CDYL: variants seen among roughly 807,000 people sequenced by gnomAD.
The protein encoded by CDYL is chromodomain Y like, also known as chromodomain Y-like protein.
In CDYL, 8 loss-of-function variants were observed where a neutral mutation model predicts 47.3. The ratio of observed to expected loss-of-function variants is 0.17; its 90% CI spans 0.10 to 0.31. The LOEUF (loss-of-function observed/expected upper bound fraction) is 0.31, where lower values mean the gene tolerates loss of function less well. CDYL is among the 10% of genes least tolerant of loss of function. The pLI, the probability that CDYL is intolerant of heterozygous loss-of-function variation, is 1.00. For missense variants in CDYL, 471 were observed against 701.4 expected (o/e 0.67, Z 3.71); for synonymous variants, 266 against 265.0 (o/e 1.00, Z -0.04).
At chr6:4,735,221 G>T (rs1188964883) in intron 3 of CDYL, among the ~76,000 whole-genome samples, 1 of 151,970 alleles carries the variant, frequency 6.6e-6, no homozygotes, top group African/African-American at 2.4e-5. Flanking sequence ...GGGAGATGGA[G>T]GTTGCGGTGA....
chr6:4,799,512 C>A (rs897214818), intron 1 of CDYL, among the ~76,000 whole-genome samples: 3 of 151,980 alleles, frequency 2.0e-5, no homozygotes, highest in Admixed American at 2.0e-4. Flanking sequence ...GTGGCGTGAT[C>A]ATGGCTCAGC....
intron 1 of CDYL, among the ~76,000 whole-genome samples, chr6:4,860,879 A>G (rs2127468461): frequency 6.6e-6 from 1 of 152,160 alleles, no homozygotes; most frequent in East Asian, 1.9e-4. Context: ...ATTCACTGGC[A>G]GCTGATTAGA....
intron 2 of CDYL, among the ~76,000 whole-genome samples, chr6:4,899,776 C>T (rs1229665014): frequency 2.0e-5 from 3 of 152,144 alleles, no homozygotes; most frequent in Non-Finnish European, 2.9e-5. Context: ...TTCTGATTCC[C>T]GTCAGAAGTT....
chr6:4,851,581 G>A (rs911992724), intron 1 of CDYL, among the ~76,000 whole-genome samples: 4 of 152,116 alleles, frequency 2.6e-5, no homozygotes, highest in African/African-American at 7.2e-5. Context: ...CGATTTGCTC[G>A]GCCGTTTGTG....
At chr6:4,760,178 T>C (rs1758152962) in intron 3 of CDYL, among the ~76,000 whole-genome samples, 1 of 151,848 alleles carries the variant, frequency 6.6e-6, no homozygotes, top group Non-Finnish European at 1.5e-5. Flanking sequence ...AGCTCAGTGT[T>C]CCATAAATAT....
chr6:4,724,278 T>C (rs912851165), intron 2 of CDYL: 5 of 152,248 alleles, frequency 3.3e-5, no homozygotes, highest in Admixed American at 6.5e-5. Context: ...CTCAAACTCC[T>C]GACTTCATAT....
chr6:4,911,581 A>G (rs1757417582), intron 2 of CDYL, among the ~76,000 whole-genome samples: 1 of 152,168 alleles, frequency 6.6e-6, no homozygotes, highest in Non-Finnish European at 1.5e-5. Flanking sequence ...GGCACAAACC[A>G]CTTTTGGTAT....
Position 4,906,301 on chromosome 6 carries a change from G to A in CDYL, c.691+13922G>A, listed in dbSNP as rs540796413. The stretch of plus-strand genomic sequence containing the variant: ...GCAAAGTTTGGTAGCTGTTTCCCAT[G>A]CTTGGCATTACCTCTAAAGGTGAAG... On this transcript the variant is annotated intron_variant, in intron 2 of 6. Transcript: ENST00000397588. Among the ~76,000 whole-genome samples the A allele has an allele frequency of 2.6e-5, 4 of 152,318 alleles. No homozygotes were observed. The South Asian group carries it at 8.3e-4, about 32-fold the overall frequency.
intron 1 of CDYL, among the ~76,000 whole-genome samples, chr6:4,707,827 T>A (rs887672042): frequency 6.6e-6 from 1 of 152,228 alleles, no homozygotes; most frequent in East Asian, 1.9e-4. Context: ...TTAATTAATG[T>A]ATTTAAGACT....
chr6:4,866,143 C>T (rs758917361), intron 1 of CDYL, among the ~76,000 whole-genome samples: 1 of 151,904 alleles, frequency 6.6e-6, no homozygotes, highest in African/African-American at 2.4e-5. Context: ...TGTGGGCCAA[C>T]GAAGAAAACA....
intron 1 of CDYL, among the ~76,000 whole-genome samples, chr6:4,782,024 C>T (rs1236345419): frequency 6.7e-6 from 1 of 148,902 alleles, no homozygotes; most frequent in African/African-American, 2.5e-5. Context: ...CTGGATACGC[C>T]CTTCTGTGTT....
intron 2 of CDYL, chr6:4,733,110 T>C (rs1256370690): frequency 6.6e-6 from 1 of 152,252 alleles, no homozygotes; most frequent in Non-Finnish European, 1.5e-5. Context: ...TACACATGAG[T>C]GTCTCCCTCC....
intron 1 of CDYL, among the ~76,000 whole-genome samples, chr6:4,875,265 C>T (rs1008036399): frequency 1.3e-5 from 2 of 152,114 alleles, no homozygotes; most frequent in Non-Finnish European, 2.9e-5. Context: ...CTTTGCTCTT[C>T]TCTGATGAGA....
intron 1 of CDYL, among the ~76,000 whole-genome samples, chr6:4,885,358 T>G (rs1761873626): frequency 6.6e-6 from 1 of 152,204 alleles, no homozygotes; most frequent in Non-Finnish European, 1.5e-5. Context: ...TGTCTTGATG[T>G]GTCTTGCCCA....
intron 2 of CDYL, among the ~76,000 whole-genome samples, chr6:4,908,889 GC>G: frequency 6.6e-6 from 1 of 152,340 alleles, no homozygotes; most frequent in Admixed American, 6.5e-5. Flanking sequence ...GTCACATTCT[GC>G]CTGTCTGTTG....
intron 1 of CDYL, among the ~76,000 whole-genome samples, chr6:4,710,917 CCACACACA>C (rs67002698): frequency 8.7e-5 from 13 of 149,552 alleles, no homozygotes; most frequent in East Asian, 5.9e-4. Flanking sequence ...GGTGTTCTCA[CCACACACA>C]CACACACACA....
intron 2 of CDYL, among the ~76,000 whole-genome samples, chr6:4,920,989 A>G (rs1035579629): frequency 1.6e-4 from 13 of 80,616 alleles, no homozygotes; most frequent in African/African-American, 5.6e-4. Context: ...CACCAGCATG[A>G]TACATCTGTG....
At chr6:4,741,328 G>A (rs1444143930) in intron 3 of CDYL, among the ~76,000 whole-genome samples, 1 of 152,180 alleles carries the variant, frequency 6.6e-6, no homozygotes, top group Non-Finnish European at 1.5e-5. Context: ...AATCATGCAT[G>A]AAGAGGCTAC....
intron 2 of CDYL, among the ~76,000 whole-genome samples, chr6:4,920,741 C>G (rs1350340414): frequency 4.6e-5 from 7 of 152,314 alleles, no homozygotes; most frequent in Admixed American, 4.6e-4. Context: ...GCCTCCGCCT[C>G]TGGAGGTGGG....
Sources: gnomAD v4.1 joint callset for allele counts (sites outside exome capture counted in the v4.1 genomes callset) on GRCh38, gnomAD v4.1.1 for gene constraint, MANE v1.5 for transcripts, NCBI Gene and HGNC (gene_info 2026-07-23, HGNC 2026-07-21) for gene names.